AATF: variants seen among roughly 807,000 people sequenced by gnomAD.
The protein encoded by AATF is apoptosis antagonizing transcription factor.
A neutral mutation model predicts 63.7 loss-of-function variants in AATF; 48 were observed. That is an observed-to-expected ratio of 0.75 (90% CI 0.60 to 0.96). AATF has a LOEUF of 0.96. Ranked by LOEUF, AATF falls within the 40% of genes least tolerant of loss-of-function variation. The pLI is 0.00. For missense variants in AATF, 639 were observed against 685.7 expected, an observed-to-expected ratio of 0.93 and a Z score of 0.76; for synonymous variants, 258 against 247.7, an observed-to-expected ratio of 1.04 and a Z score of -0.39.
intron 4 of AATF, among the ~76,000 whole-genome samples, chr17:36,967,338 T>A (rs1219966728): frequency 1.3e-5 from 2 of 152,226 alleles, no homozygotes; most frequent in Non-Finnish European, 2.9e-5. Flanking sequence ...CTATGATTAT[T>A]TTCCTTTCCC....
intron 4 of AATF, among the ~76,000 whole-genome samples, chr17:36,984,516 G>A (rs532621117): frequency 3.5e-4 from 53 of 152,336 alleles, no homozygotes; most frequent in Non-Finnish European, 6.3e-4. Flanking sequence ...TTGATTATAG[G>A]AGAGGTGTCT....
At chr17:37,010,045 G>C (rs1403063753) in intron 8 of AATF, among the ~76,000 whole-genome samples, 1 of 152,168 alleles carries the variant, frequency 6.6e-6, no homozygotes, top group East Asian at 1.9e-4. Flanking sequence ...TGGTGCCCTG[G>C]ATTAGAGCCA....
chr17:36,985,585 C>G (rs2071162567), intron 4 of AATF, among the ~76,000 whole-genome samples: 1 of 151,686 alleles, frequency 6.6e-6, no homozygotes, highest in Non-Finnish European at 1.5e-5. Context: ...GCTCTGTCGT[C>G]CAGGCCAGAG....
At chr17:37,023,119 C>G (rs151137464) in intron 10 of AATF, among the ~76,000 whole-genome samples, 1 of 152,276 alleles carries the variant, frequency 6.6e-6, no homozygotes, top group African/African-American at 2.4e-5. Context: ...AATCACAAGA[C>G]TTGCGTTCAA....
intron 11 of AATF, among the ~76,000 whole-genome samples, chr17:37,053,687 T>A (rs554362839): frequency 3.1e-3 from 469 of 152,240 alleles, no homozygotes; most frequent in Non-Finnish European, 5.1e-3. Flanking sequence ...GCCAACATGG[T>A]AAAACCCCGT....
chr17:36,980,992 C>G (rs115793565), intron 4 of AATF, among the ~76,000 whole-genome samples: 2,427 of 151,104 alleles, frequency 0.016, 70 homozygotes, highest in African/African-American at 0.055. Flanking sequence ...TAGTGCTATC[C>G]CTGAATGGAG....
chr17:36,984,224 T>C (rs778007809), intron 4 of AATF, among the ~76,000 whole-genome samples: 6 of 152,068 alleles, frequency 3.9e-5, no homozygotes, highest in Non-Finnish European at 8.8e-5. Flanking sequence ...AGTTACTAAG[T>C]GAAAAATGGA....
intron 5 of AATF, among the ~76,000 whole-genome samples, chr17:36,987,178 A>G (rs1316368398): frequency 7.1e-6 from 1 of 140,764 alleles, no homozygotes; most frequent in Non-Finnish European, 1.5e-5. Context: ...TTTTGTAGAG[A>G]CAGGGTCTTG....
intron 8 of AATF, among the ~76,000 whole-genome samples, chr17:37,007,093 C>T (rs1033682330): frequency 6.6e-6 from 1 of 152,184 alleles, no homozygotes; most frequent in African/African-American, 2.4e-5. Flanking sequence ...TTCCCTGTGT[C>T]ATTCTGTAAA....
intron 11 of AATF, among the ~76,000 whole-genome samples, chr17:37,032,629 C>A (rs1243954758): frequency 6.6e-6 from 1 of 152,184 alleles, no homozygotes; most frequent in African/African-American, 2.4e-5. Context: ...TATGTATATA[C>A]ACTCACACCT....
At chr17:36,975,089 A>G (rs2071069921) in intron 4 of AATF, among the ~76,000 whole-genome samples, 1 of 152,202 alleles carries the variant, frequency 6.6e-6, no homozygotes, top group Admixed American at 6.5e-5. Context: ...TAGATTGTGA[A>G]AGTATTATTT....
chr17:36,976,392 C>T lies in AATF; in HGVS notation c.833-10225C>T, dbSNP rs1396434599. Among the ~76,000 whole-genome samples the T allele has an allele frequency of 1.7e-4, 26 of 152,084 alleles. 1 individual carries two copies. The highest frequency in any genetic ancestry group is 1.7e-3 in the Admixed American group (26 of 15,258). On this transcript the variant is annotated intron_variant, in intron 4 of 11. Transcript: ENST00000619387. ...GCGAGTGTGTGGTACTTAGCAGGTC[C>T]TTACTGAGTATTAACTATTAATCTG...
intron 4 of AATF, among the ~76,000 whole-genome samples, chr17:36,975,182 T>C (rs1234254275): frequency 1.3e-5 from 2 of 152,178 alleles, no homozygotes; most frequent in African/African-American, 4.8e-5. Flanking sequence ...CAATATAAAC[T>C]TTTTTCAAAA....
At chr17:36,969,980 T>A (rs1415540162) in intron 4 of AATF, among the ~76,000 whole-genome samples, 1 of 152,254 alleles carries the variant, frequency 6.6e-6, no homozygotes, top group Non-Finnish European at 1.5e-5. Context: ...CTTGTGTCAG[T>A]AGTTCATTGC....
intron 4 of AATF, 40 bp downstream of exon 4, chr17:36,953,947 T>A: frequency 1.3e-6 from 2 of 1,597,020 alleles, no homozygotes; most frequent in East Asian, 2.2e-5. Context: ...TTAGAACCAC[T>A]TTGTCAAATG....
In AATF at chr17:37,014,794, T is replaced by G. The variant is rs532289401; in HGVS notation, c.1399-4211T>G. On this transcript the variant is annotated intron_variant, in intron 8 of 11. Transcript: ENST00000619387. ...GATTATCCTCTAAATTTTTGTCTTG[T>G]CTTGCAAATAAGCAAGGGGATATTA... Among the ~76,000 whole-genome samples, 4 of 152,350 alleles carry G rather than the reference T, an allele frequency of 2.6e-5. No individual in the cohort carries two copies. In the South Asian group the frequency reaches 8.3e-4, roughly 32 times the overall value.
In AATF at chr17:36,986,742, A is replaced by G. The variant is rs187874350; in HGVS notation, c.947+11A>G. The G allele has an allele frequency of 6.9e-5, 110 of 1,591,774 alleles. No individual in the cohort carries two copies. The African/African-American group carries it at 1.4e-3, about 20-fold the overall frequency. ...GCCCAATGCGGGAAGGTAAGAGAAC[A>G]GAATCATGGAGTTGCTTATTTTCTT... On this transcript the variant is annotated intron_variant, in intron 5 of 11. Coordinates refer to ENST00000619387, the MANE Select transcript of AATF (RefSeq NM_012138.4).
chr17:37,041,444 A>G (rs2071639004), intron 11 of AATF, among the ~76,000 whole-genome samples: 1 of 151,712 alleles, frequency 6.6e-6, no homozygotes, highest in Admixed American at 6.6e-5. Flanking sequence ...AAGTTACATG[A>G]CTCTTTTCTT....
At chr17:37,024,380 A>T (rs1007767382) in intron 10 of AATF, among the ~76,000 whole-genome samples, 11 of 152,204 alleles carry the variant, frequency 7.2e-5, no homozygotes, top group African/African-American at 2.7e-4. Context: ...GGGAACTGTA[A>T]TTAATTTGTT....
Sources: allele counts gnomAD v4.1 joint callset (sites outside exome capture counted in the v4.1 genomes callset), GRCh38; gene constraint gnomAD v4.1.1; transcripts MANE v1.5; gene names NCBI Gene and HGNC (gene_info 2026-07-23, HGNC 2026-07-21).